BANF2: variants seen among roughly 807,000 people sequenced by gnomAD.
BANF2 encodes barrier-to-autointegration factor-like protein.
In BANF2, 4 loss-of-function variants were observed where a neutral mutation model predicts 8.0. The ratio of observed to expected loss-of-function variants is 0.50; its 90% CI spans 0.25 to 1.14. BANF2 has a LOEUF of 1.14. Among genes scored for constraint, BANF2 ranks in the 50% most tolerant of loss-of-function variants. The pLI is 0.16. For missense variants in BANF2, 96 were observed against 107.5 expected, an observed-to-expected ratio of 0.89 and a Z score of 0.47; for synonymous variants, 50 against 40.6, an observed-to-expected ratio of 1.23 and a Z score of -0.88.
intron 3 of BANF2, among the ~76,000 whole-genome samples, chr20:17,725,484 G>A (rs2037795522): frequency 6.6e-6 from 1 of 152,240 alleles, no homozygotes; most frequent in South Asian, 2.1e-4. Flanking sequence ...TGATTTAGGT[G>A]CACTCCATGC....
chr20:17,734,696 G>A (rs540033610), intron 3 of BANF2, among the ~76,000 whole-genome samples: 10 of 152,322 alleles, frequency 6.6e-5, no homozygotes, highest in African/African-American at 1.7e-4. Context: ...ACCGGCATGC[G>A]TAGAGATCAG....
chr20:17,703,828 G>T lies in BANF2; in HGVS notation c.-167+3773G>T, dbSNP rs559488678. On this transcript the variant is annotated intron_variant, in intron 1 of 3. Coordinates refer to ENST00000246090, the MANE Select transcript of BANF2 (RefSeq NM_178477.5). ...GTGATCTTGGCTCACTGCAACCTCCGCCTCCCAATCCTGGGTTCAAGCGAT... is the reference window on the plus strand; with the variant it reads ...GTGATCTTGGCTCACTGCAACCTCCTCCTCCCAATCCTGGGTTCAAGCGAT... Among the ~76,000 whole-genome samples, 3 of 144,680 alleles carry T rather than the reference G, an allele frequency of 2.1e-5. No homozygotes were observed. The East Asian group carries it at 6.1e-4, about 30-fold the overall frequency. 94.9% of individuals were successfully genotyped at this position (144,680 alleles called of 152,430 possible). A position where few individuals can be genotyped will look rare whatever the true frequency, so the allele number is the denominator to read the frequency against.
At chr20:17,698,862 T>C (rs1490733400), upstream of BANF2, among the ~76,000 whole-genome samples, 2 of 152,232 alleles carry the variant, frequency 1.3e-5, no homozygotes, top group Admixed American at 6.5e-5. Flanking sequence ...GCCCCAAAGC[T>C]ACAGCTCCTG....
intron 1 of BANF2, among the ~76,000 whole-genome samples, chr20:17,694,620 T>TA (rs2037330019): frequency 8.1e-6 from 1 of 122,800 alleles, no homozygotes; most frequent in African/African-American, 3.0e-5. Context: ...TTTTTTTTTT[T>TA]TTTTTTTTTT....
chr20:17,735,550 C>A, intron 3 of BANF2, 115 bp from the exon 4 acceptor site: 1 of 1,280,156 alleles, frequency 7.8e-7, no homozygotes, highest in Non-Finnish European at 1.1e-6. Flanking sequence ...TGAATCGGCC[C>A]TGCTCCCCCT....
chr20:17,707,245 C>T (rs1262068524), intron 1 of BANF2, among the ~76,000 whole-genome samples: 2 of 151,398 alleles, frequency 1.3e-5, no homozygotes, highest in African/African-American at 4.9e-5. Flanking sequence ...AAAAAATTAA[C>T]CGGGCATGGT....
intron 1 of BANF2, among the ~76,000 whole-genome samples, chr20:17,694,633 T>TTTTTTA (rs2037330798): frequency 8.9e-6 from 1 of 112,918 alleles, no homozygotes; most frequent in African/African-American, 3.3e-5. Context: ...TTTTTTTTTT[T>TTTTTTA]ATTGAGACAG....
At chr20:17,711,572 T>A (rs2037573795) in intron 1 of BANF2, among the ~76,000 whole-genome samples, 2 of 152,146 alleles carry the variant, frequency 1.3e-5, no homozygotes, top group African/African-American at 4.8e-5. Context: ...GCACTCAGCT[T>A]CTACCTGACC....
chr20:17,729,125 G>A (rs1161298393), intron 3 of BANF2, among the ~76,000 whole-genome samples: 2 of 152,196 alleles, frequency 1.3e-5, no homozygotes, highest in African/African-American at 2.4e-5. Context: ...CGAAAGAGCC[G>A]TAAGGGAGAA....
intron 2 of BANF2, among the ~76,000 whole-genome samples, chr20:17,723,590 T>C (rs189177252): frequency 1.1e-4 from 16 of 152,344 alleles, no homozygotes; most frequent in Admixed American, 1.0e-3. Flanking sequence ...CTGTCCAAAC[T>C]GGCACAGAAT....
intron 1 of BANF2, among the ~76,000 whole-genome samples, chr20:17,694,672 G>A (rs556664483): frequency 7.9e-6 from 1 of 125,864 alleles, no homozygotes; most frequent in East Asian, 2.4e-4. Flanking sequence ...AGGCTGGAGT[G>A]CAGTCATGCC....
At chr20:17,703,488 A>G (rs1359694578) in intron 1 of BANF2, among the ~76,000 whole-genome samples, 2 of 152,198 alleles carry the variant, frequency 1.3e-5, no homozygotes, top group African/African-American at 4.8e-5. Context: ...GCTGTGTGAC[A>G]AAATAACATG....
intron 2 of BANF2, 70 bp from the exon 3 acceptor site, chr20:17,724,953 C>A: frequency 6.8e-7 from 1 of 1,469,658 alleles, no homozygotes; most frequent in Non-Finnish European, 9.3e-7. Context: ...GAGGGAGTTC[C>A]CCAGTGTCCA....
In BANF2 at chr20:17,725,072, T is replaced by G; in HGVS notation, c.47T>G (p.Ile16Ser). ...CTGAGAGCCTTCCTCTCCGAACCCA[T>G]TGGAGAAAAGGATGTCTGCTGGGTG... is the stretch of plus-strand genomic sequence containing the variant. ...PRLRAFLSEP[I>S]GEKDVCWVDG... The change falls in exon 3 of 4, where the codon ATT becomes AGT. Residue 16 changes from isoleucine to serine, a missense_variant. Physicochemically the swap from Ile to Ser is moderately radical, Grantham distance 142. Coordinates refer to ENST00000246090, the MANE Select transcript of BANF2 (RefSeq NM_178477.5). 1.2e-6 allele frequency: 2 copies of G among 1,608,584 alleles called. No individual in the cohort carries two copies. The highest frequency in any genetic ancestry group is 8.5e-7 in the Non-Finnish European group (1 of 1,174,940).
At chr20:17,718,620 C>T (rs73266619) in intron 1 of BANF2, among the ~76,000 whole-genome samples, 258 of 152,292 alleles carry the variant, frequency 1.7e-3, no homozygotes, top group African/African-American at 5.4e-3. Flanking sequence ...GGAGCAGTTC[C>T]CCATCCTCAC....
chr20:17,708,093 G>T (rs947742988), intron 1 of BANF2, among the ~76,000 whole-genome samples: 1 of 151,216 alleles, frequency 6.6e-6, no homozygotes, highest in Admixed American at 6.6e-5. Context: ...CAGGTGTTGC[G>T]GTGCATGCCT....
chr20:17,733,116 A>G (rs1369375536), intron 3 of BANF2, among the ~76,000 whole-genome samples: 3 of 152,218 alleles, frequency 2.0e-5, no homozygotes, highest in Admixed American at 2.0e-4. Flanking sequence ...CCCAGGGTCC[A>G]CATGTTCCCA....
At chr20:17,715,135 C>G (rs2037631993) in intron 1 of BANF2, among the ~76,000 whole-genome samples, 1 of 152,194 alleles carries the variant, frequency 6.6e-6, no homozygotes, top group Non-Finnish European at 1.5e-5. Flanking sequence ...ATCTCCTACC[C>G]TCAGCCCAGC....
chr20:17,709,167 A>G (rs936716408), intron 1 of BANF2, among the ~76,000 whole-genome samples: 1 of 152,212 alleles, frequency 6.6e-6, no homozygotes, highest in Non-Finnish European at 1.5e-5. Flanking sequence ...TTCTTTTGAA[A>G]GGGTCTTAAG....
Sources: gnomAD v4.1 joint callset for allele counts (sites outside exome capture counted in the v4.1 genomes callset) on GRCh38, gnomAD v4.1.1 for gene constraint, MANE v1.5 for transcripts, NCBI Gene and HGNC (gene_info 2026-07-23, HGNC 2026-07-21) for gene names.